Variants in GPHN observed in about 807,000 individuals in gnomAD.
GPHN encodes gephyrin.
A neutral mutation model predicts 95.5 loss-of-function variants in GPHN; 17 were observed. The observed-to-expected ratio is 0.18, with a 90% CI of 0.12 to 0.27. The LOEUF is 0.27. GPHN is among the 10% of genes least tolerant of loss of function. The pLI is 1.00. For synonymous variants in GPHN, 320 were observed against 322.5 expected, an observed-to-expected ratio of 0.99 and a Z score of 0.08; for missense variants, 660 against 978.1, an observed-to-expected ratio of 0.67 and a Z score of 4.34.
chr14:67,691,267 C>T, the GPHN span: 5 of 1,563,402 alleles, frequency 3.2e-6, no homozygotes, highest in East Asian at 2.2e-5. Context: ...GACGATGGAG[C>T]GTGGAAGTGG....
the GPHN span, among the ~76,000 whole-genome samples, chr14:67,456,497 G>T: frequency 9.9e-5 from 15 of 151,900 alleles, no homozygotes; most frequent in Non-Finnish European, 2.2e-4. Flanking sequence ...AGACACCTGG[G>T]AGGCTGAGGC....
At chr14:67,586,550 A>T in the GPHN span, 42 of 614,830 alleles carry the variant, frequency 6.8e-5, no homozygotes, top group Non-Finnish European at 9.8e-5. Flanking sequence ...TGTGGGGAAG[A>T]CCGCAAAAAG....
chr14:66,615,608 G>A (rs1214551664), intron 1 of GPHN, among the ~76,000 whole-genome samples: 1 of 151,496 alleles, frequency 6.6e-6, no homozygotes, highest in Non-Finnish European at 1.5e-5. Context: ...TGTAGATTCT[G>A]GATATTAGAC....
chr14:67,694,221 C>T, the GPHN span, among the ~76,000 whole-genome samples: 1 of 152,046 alleles, frequency 6.6e-6, no homozygotes, highest in Admixed American at 6.6e-5. Flanking sequence ...CTCATGGTCC[C>T]CACAAACCAT....
chr14:66,610,984 T>G (rs2062756087), intron 1 of GPHN, among the ~76,000 whole-genome samples: 1 of 152,174 alleles, frequency 6.6e-6, no homozygotes, highest in Non-Finnish European at 1.5e-5. Context: ...CTGTACTGAC[T>G]TAGCAGAGTT....
chr14:66,549,599 T>A (rs2059740474), intron 1 of GPHN, among the ~76,000 whole-genome samples: 1 of 152,186 alleles, frequency 6.6e-6, no homozygotes, highest in African/African-American at 2.4e-5. Context: ...GCAAATTATA[T>A]AGAAAATCTA....
chr14:67,264,590 C>T, the GPHN span, among the ~76,000 whole-genome samples: 1 of 152,058 alleles, frequency 6.6e-6, no homozygotes, highest in African/African-American at 2.4e-5. Context: ...CATTGTTCTG[C>T]ATGTAGATAT....
intron 5 of GPHN, among the ~76,000 whole-genome samples, chr14:66,888,508 A>T (rs1403415817): frequency 6.6e-6 from 1 of 152,178 alleles, no homozygotes; most frequent in Admixed American, 6.5e-5. Flanking sequence ...GTTGAAGATA[A>T]GCTGGTATAA....
At chr14:66,822,042 C>T (rs2061214375) in intron 3 of GPHN, among the ~76,000 whole-genome samples, 1 of 152,138 alleles carries the variant, frequency 6.6e-6, no homozygotes, top group Admixed American at 6.5e-5. Context: ...ACCTCTGCCT[C>T]CCTGGTTCAA....
chr14:66,991,508 C>T (rs1277721098), intron 9 of GPHN, among the ~76,000 whole-genome samples: 1 of 151,762 alleles, frequency 6.6e-6, no homozygotes, highest in African/African-American at 2.4e-5. Context: ...TGCCTGTAAC[C>T]CAGCACTTTG....
the GPHN span, among the ~76,000 whole-genome samples, chr14:67,625,520 A>C: frequency 6.6e-6 from 1 of 151,724 alleles, no homozygotes; most frequent in Non-Finnish European, 1.5e-5. Flanking sequence ...TACTAAAAAT[A>C]CAAAAAAAAA....
chr14:67,030,071 T>A (rs2074122656), intron 10 of GPHN, among the ~76,000 whole-genome samples: 1 of 151,862 alleles, frequency 6.6e-6, no homozygotes, highest in African/African-American at 2.4e-5. Flanking sequence ...ACACTCTATA[T>A]TATGCATGAG....
chr14:66,851,702 C>T (rs1471095558), intron 4 of GPHN, among the ~76,000 whole-genome samples: 2 of 151,952 alleles, frequency 1.3e-5, no homozygotes, highest in East Asian at 3.9e-4. Context: ...TGGAGGATAC[C>T]TTTGTCATAT....
the GPHN span, chr14:67,337,982 C>T: frequency 6.6e-6 from 1 of 152,194 alleles, no homozygotes; most frequent in African/African-American, 2.4e-5. Flanking sequence ...TACCCACTTC[C>T]TACATGTCTG....
At chr14:67,664,362 T>C in the GPHN span, among the ~76,000 whole-genome samples, 1 of 152,222 alleles carries the variant, frequency 6.6e-6, no homozygotes, top group Non-Finnish European at 1.5e-5. Context: ...CCTTTGTGTT[T>C]AGCTTATTTC....
chr14:67,039,406 TAC>T (rs1365623076), intron 10 of GPHN, among the ~76,000 whole-genome samples: 2 of 152,234 alleles, frequency 1.3e-5, no homozygotes, highest in African/African-American at 4.8e-5. Flanking sequence ...AACATAAGCA[TAC>T]ACATAGTCTG....
chr14:66,689,620 T>C (rs953763429), intron 2 of GPHN, among the ~76,000 whole-genome samples: 7 of 152,182 alleles, frequency 4.6e-5, no homozygotes, highest in African/African-American at 1.7e-4. Flanking sequence ...TTTAGACATA[T>C]TGATTTTAAT....
At chr14:67,485,197 G>C in the GPHN span, among the ~76,000 whole-genome samples, 1 of 152,208 alleles carries the variant, frequency 6.6e-6, no homozygotes, top group Admixed American at 6.5e-5. Flanking sequence ...GGCATAAATT[G>C]CTCTGGGGAG....
At chr14:66,701,383 C>T (rs577249115) in intron 2 of GPHN, among the ~76,000 whole-genome samples, 73 of 152,220 alleles carry the variant, frequency 4.8e-4, no homozygotes, top group African/African-American at 1.4e-3. Context: ...GCCATGATGG[C>T]TGACTAGAAA....
Sources: gnomAD v4.1 joint callset for allele counts (sites outside exome capture counted in the v4.1 genomes callset) on GRCh38, gnomAD v4.1.1 for gene constraint, MANE v1.5 for transcripts, NCBI Gene and HGNC (gene_info 2026-07-23, HGNC 2026-07-21) for gene names.